The following GLIPR2 variants were observed in gnomAD, a reference collection of about 807,000 sequenced individuals.
GLIPR2 encodes the protein GLI pathogenesis related 2, also known as Golgi-associated plant pathogenesis-related protein 1.
GLIPR2 carries 21 observed loss-of-function variants against 20.4 expected under a neutral mutation model. That is an observed-to-expected ratio of 1.03 (90% CI 0.73 to 1.48). The LOEUF (loss-of-function observed/expected upper bound fraction) is 1.48. GLIPR2 is among the 40% of genes most tolerant of loss of function. The pLI is 0.00. For missense variants in GLIPR2, 205 were observed against 200.1 expected, an observed-to-expected ratio of 1.02 and a Z score of -0.15; for synonymous variants, 91 against 80.5, an observed-to-expected ratio of 1.13 and a Z score of -0.70.
chr9:36,161,129 T>C (rs1826035940), intron 4 of GLIPR2, among the ~76,000 whole-genome samples: 1 of 152,076 alleles, frequency 6.6e-6, no homozygotes, highest in Non-Finnish European at 1.5e-5. Context: ...CAATGGTCCA[T>C]GTGAGAAAAG....
chr9:36,137,180 A>G (rs1383421043), intron 1 of GLIPR2, among the ~76,000 whole-genome samples: 2 of 152,156 alleles, frequency 1.3e-5, no homozygotes, highest in Non-Finnish European at 2.9e-5. Flanking sequence ...AGCCCTGAGC[A>G]TCCCCCTCAT....
At position 36,136,925 on chromosome 9, in the gene GLIPR2, C is replaced by G; in HGVS notation, c.13+134C>G. 1 of 1,051,752 alleles carries G rather than the reference C, an allele frequency of 9.5e-7. No homozygotes were observed. The highest frequency in any genetic ancestry group is 1.2e-6 in the Non-Finnish European group (1 of 824,450). The allele number at this position is 1,051,752 out of a possible 1,614,324, so 65.2% of individuals were successfully genotyped here. ...GGGGTGCGGGTGGAGGGCGCGCGGG[C>G]GGAGCGCCCCGGCGCGGTTTCCGGG... On this transcript the variant is annotated intron_variant, in intron 1 of 4. Coordinates refer to ENST00000377960, the MANE Select transcript of GLIPR2 (RefSeq NM_022343.4). This position sits in a 1 kb window ranked among gnomAD's most constrained non-coding sequence, Gnocchi z 4.3.
rs537560889 is a variant in GLIPR2 at position 36,163,177 on chromosome 9, C to T, written c.*655C>T. 3.8e-6 allele frequency: 1 copy of T among 265,774 alleles called. No homozygotes were observed. Among genetic ancestry groups the T allele is most frequent in the Admixed American group, 5.3e-5 (1 of 19,046 alleles). 16.5% of individuals were successfully genotyped at this position (265,774 alleles called of 1,614,324 possible). On this transcript the variant is annotated 3_prime_UTR_variant, in exon 5 of 5. Coordinates refer to ENST00000377960, the MANE Select transcript of GLIPR2 (RefSeq NM_022343.4). Reference sequence around the variant, plus strand: ...GTTTTACTTCCTTGCATTCTTCTACCTTTAAATAGCAAAGTACCACTACCA... The same window carrying T: ...GTTTTACTTCCTTGCATTCTTCTACTTTTAAATAGCAAAGTACCACTACCA...
rs1262147510 is a variant in GLIPR2, at chr9:36,136,770, G to T, written c.-9G>T. On this transcript the variant is annotated 5_prime_UTR_variant, in exon 1 of 5. Coordinates refer to ENST00000377960, the MANE Select transcript of GLIPR2 (RefSeq NM_022343.4). This position sits in a 1 kb window ranked among gnomAD's most constrained non-coding sequence, Gnocchi z 4.3. ...AGCCGCGGGGAGCGAGGAGCGCGCG[G>T]AGCCGGCCATGGGCAAGTCAGGTGA... The T allele has an allele frequency of 6.9e-6, 9 of 1,295,442 alleles. No individual in the cohort carries two copies. In the South Asian group the frequency reaches 1.9e-4, roughly 27 times the overall value. 80.2% of individuals were successfully genotyped at this position (1,295,442 alleles called of 1,614,324 possible). A position where few individuals can be genotyped will look rare whatever the true frequency, so the allele number is the denominator to read the frequency against.
chr9:36,147,503 G>A (rs1036455475), intron 1 of GLIPR2, among the ~76,000 whole-genome samples: 1 of 152,220 alleles, frequency 6.6e-6, no homozygotes, highest in African/African-American at 2.4e-5. Flanking sequence ...CCTTTCAGTG[G>A]CTTCCCATTG....
chr9:36,158,128 G>A (rs141676174), intron 4 of GLIPR2, among the ~76,000 whole-genome samples: 2 of 152,092 alleles, frequency 1.3e-5, no homozygotes, highest in Non-Finnish European at 2.9e-5. Context: ...ATGTGACTTT[G>A]GGCCAATCTT....
chr9:36,158,002 G>A (rs1046330546), intron 4 of GLIPR2, among the ~76,000 whole-genome samples: 9 of 151,888 alleles, frequency 5.9e-5, no homozygotes, highest in Non-Finnish European at 8.8e-5. Flanking sequence ...TAGTAGAGAC[G>A]GGGTTTCATC....
At chr9:36,137,613 C>T (rs1824884248) in intron 1 of GLIPR2, among the ~76,000 whole-genome samples, 1 of 152,208 alleles carries the variant, frequency 6.6e-6, no homozygotes, top group East Asian at 1.9e-4. Context: ...CTGGTGTTTT[C>T]CTCGCTGCAG....
At chr9:36,162,234 G>A (rs1188096161) in intron 4 of GLIPR2, 128 bp from the exon 5 acceptor site, 1 of 1,587,898 alleles carries the variant, frequency 6.3e-7, no homozygotes, top group South Asian at 1.1e-5. Flanking sequence ...CCCTGCAGGG[G>A]GTCTGTGAAG....
Position 36,136,885 on chromosome 9 carries a change from G to A in GLIPR2, c.13+94G>A. On this transcript the variant is annotated intron_variant, in intron 1 of 4. Coordinates refer to ENST00000377960, the MANE Select transcript of GLIPR2 (RefSeq NM_022343.4). The surrounding 1 kb of genome is among the most constrained non-coding windows in gnomAD (Gnocchi z 4.3). ...TCGTCCGCCGCAAGCCAGGTCCTGG[G>A]GAGTGCGGGAGCCCGGGGTGCGGGT... 8.2e-7 allele frequency: 1 copy of A among 1,220,386 alleles called. No homozygotes were observed. Among genetic ancestry groups the A allele is most frequent in the Non-Finnish European group, 1.0e-6 (1 of 976,378 alleles). 75.6% of individuals were successfully genotyped at this position (1,220,386 alleles called of 1,614,324 possible).
At chr9:36,153,277 C>A (rs1825682619) in intron 4 of GLIPR2, among the ~76,000 whole-genome samples, 1 of 152,216 alleles carries the variant, frequency 6.6e-6, no homozygotes, top group Non-Finnish European at 1.5e-5. Context: ...AGGAATCTCA[C>A]AAGAGTCAGA....
At chr9:36,142,621 G>A (rs1035809190) in intron 1 of GLIPR2, among the ~76,000 whole-genome samples, 2 of 152,126 alleles carry the variant, frequency 1.3e-5, no homozygotes, top group Non-Finnish European at 2.9e-5. Flanking sequence ...ACAAAATAAG[G>A]ACGTCATCCC....
Position 36,162,454 on chromosome 9 carries a change from T to C in GLIPR2, c.397T>C (p.Tyr133His). The C allele has an allele frequency of 1.2e-6, 2 of 1,614,210 alleles. No homozygotes were observed. The highest frequency in any genetic ancestry group is 2.2e-5 in the East Asian group (1 of 44,892). ...SDGSSFVVARYFPAGNVVNEG... is the reference protein window; with the variant it reads ...SDGSSFVVARHFPAGNVVNEG... ...CGGGTCCTCCTTTGTGGTGGCCAGA[T>C]ACTTCCCAGCGGGGAATGTTGTCAA... The change falls in exon 5 of 5, where the codon TAC (tyrosine) becomes CAC (histidine). Residue 133 changes from tyrosine (Y) to histidine (H), a missense_variant. Coordinates refer to ENST00000377960, the MANE Select transcript of GLIPR2 (RefSeq NM_022343.4).
rs765752543 is a variant in GLIPR2 at position 36,150,937 on chromosome 9, A to G, written c.292A>G (p.Thr98Ala). ...CTATAACTTCCAGCAGCCTGGCTTC[A>G]CCTCGGGGACTGGTGAGTGGCAGGG... ...KNYNFQQPGF[T>A]SGTGHFTAMV... The change falls in exon 4 of 5, where the codon ACC becomes GCC. Residue 98 changes from threonine (T) to alanine (A), a missense_variant. Coordinates refer to ENST00000377960, the MANE Select transcript of GLIPR2 (RefSeq NM_022343.4). The G allele has an allele frequency of 8.7e-6, 14 of 1,613,258 alleles. No homozygotes were observed. The South Asian group carries it at 1.5e-4, about 18-fold the overall frequency.
chr9:36,140,656 G>A (rs1825031336), intron 1 of GLIPR2, among the ~76,000 whole-genome samples: 1 of 152,134 alleles, frequency 6.6e-6, no homozygotes, highest in Non-Finnish European at 1.5e-5. Flanking sequence ...AAGCAATTGA[G>A]CAACTCGTCA....
chr9:36,148,334 C>G (rs2132738884), intron 2 of GLIPR2, among the ~76,000 whole-genome samples: 1 of 152,234 alleles, frequency 6.6e-6, no homozygotes, highest in South Asian at 2.1e-4. Flanking sequence ...TAACCACTCT[C>G]TCACTCACCT....
intron 2 of GLIPR2, 54 bp downstream of exon 2, chr9:36,147,948 G>A: frequency 1.2e-6 from 1 of 851,114 alleles, no homozygotes. Flanking sequence ...TGCTACTGCA[G>A]TCACAAAGGG....
chr9:36,151,005 G>T (rs745943366), intron 4 of GLIPR2, 56 bp downstream of exon 4: 4 of 1,208,492 alleles, frequency 3.3e-6, no homozygotes, highest in Non-Finnish European at 4.9e-6. Flanking sequence ...CAGGTTGGGT[G>T]TCTGACTTCA....
chr9:36,151,009 G>C (rs1214564487), intron 4 of GLIPR2, 60 bp downstream of exon 4: 1 of 1,115,408 alleles, frequency 9.0e-7, no homozygotes, highest in South Asian at 1.2e-5. Context: ...TTGGGTGTCT[G>C]ACTTCAGGGA....
Sources: allele counts gnomAD v4.1 joint callset (sites outside exome capture counted in the v4.1 genomes callset), GRCh38; gene constraint gnomAD v4.1.1; non-coding constraint Gnocchi (gnomAD v3.1); transcripts MANE v1.5; gene names NCBI Gene and HGNC (gene_info 2026-07-23, HGNC 2026-07-21).